The following MOB3B variants were observed in gnomAD, a reference collection of about 807,000 sequenced individuals.
The protein encoded by MOB3B is MOB kinase activator 3B.
A neutral mutation model predicts 18.7 loss-of-function variants in MOB3B; 7 were observed. That is an observed-to-expected ratio of 0.37 (90% CI 0.21 to 0.70). MOB3B has a LOEUF of 0.70. Ranked by LOEUF, MOB3B falls within the 30% of genes least tolerant of loss-of-function variation. The probability of loss-of-function intolerance (pLI) is 0.52; values close to 1 mark genes in which losing one functional copy is unlikely to be tolerated. For synonymous variants in MOB3B, 111 were observed against 99.9 expected, an observed-to-expected ratio of 1.11 and a Z score of -0.66; for missense variants, 253 against 281.3, an observed-to-expected ratio of 0.90 and a Z score of 0.72.
intron 3 of MOB3B, among the ~76,000 whole-genome samples, chr9:27,344,920 C>T (rs544542069): frequency 2.0e-4 from 31 of 152,370 alleles, no homozygotes; most frequent in Admixed American, 9.1e-4. Flanking sequence ...CTTACAGTCT[C>T]GGCCTGGCCG....
intron 1 of MOB3B, among the ~76,000 whole-genome samples, chr9:27,486,915 G>C (rs183571265): frequency 1.3e-5 from 2 of 152,234 alleles, no homozygotes; most frequent in African/African-American, 2.4e-5. Flanking sequence ...TGGATCACTT[G>C]AGGCCAGGGG....
chr9:27,444,794 A>G (rs1822665493), intron 2 of MOB3B, among the ~76,000 whole-genome samples: 1 of 152,222 alleles, frequency 6.6e-6, no homozygotes, highest in African/African-American at 2.4e-5. Context: ...ATGATGGTTA[A>G]CCAGGACTGC....
At chr9:27,346,538 T>C (rs1286563248) in intron 3 of MOB3B, among the ~76,000 whole-genome samples, 6 of 152,252 alleles carry the variant, frequency 3.9e-5, no homozygotes, top group Non-Finnish European at 5.9e-5. Context: ...ACTTGGCTCA[T>C]AGTTTTACTT....
chr9:27,401,877 T>A (rs555725937), intron 2 of MOB3B, among the ~76,000 whole-genome samples: 1 of 152,336 alleles, frequency 6.6e-6, no homozygotes, highest in South Asian at 2.1e-4. Flanking sequence ...CTAAACTTCA[T>A]TTCATCCATT....
At chr9:27,525,176 T>G (rs1820416852) in intron 1 of MOB3B, among the ~76,000 whole-genome samples, 1 of 152,194 alleles carries the variant, frequency 6.6e-6, no homozygotes, top group Non-Finnish European at 1.5e-5. Context: ...CTTTAAGACA[T>G]TTTTAAAGGA....
intron 2 of MOB3B, among the ~76,000 whole-genome samples, chr9:27,395,106 C>A (rs1821780002): frequency 6.6e-6 from 1 of 152,132 alleles, no homozygotes; most frequent in Non-Finnish European, 1.5e-5. Flanking sequence ...GAGAAAAGGT[C>A]ATCTGTGGAG....
At chr9:27,495,364 A>AAATT (rs1295647331) in intron 1 of MOB3B, among the ~76,000 whole-genome samples, 1 of 150,734 alleles carries the variant, frequency 6.6e-6, no homozygotes, top group East Asian at 1.9e-4. Context: ...ATAAATAAAT[A>AAATT]AATTAATTAA....
At chr9:27,377,848 A>G (rs1821513926) in intron 2 of MOB3B, among the ~76,000 whole-genome samples, 1 of 152,236 alleles carries the variant, frequency 6.6e-6, no homozygotes, top group South Asian at 2.1e-4. Context: ...CCAACTTTAC[A>G]GAAGTGTGGA....
intron 1 of MOB3B, among the ~76,000 whole-genome samples, chr9:27,457,185 T>C (rs967642937): frequency 1.4e-4 from 21 of 152,246 alleles, no homozygotes; most frequent in African/African-American, 5.1e-4. Context: ...TTGTCTTTCC[T>C]ACTGGTTTAC....
In MOB3B at chr9:27,489,741, C is replaced by CTTTTTTTTTTTTTTTTTTTTTT. The variant is rs66757462; in HGVS notation, c.-198-33994_-198-33993insAAAAAAAAAAAAAAAAAAAAAA. Among the ~76,000 whole-genome samples, 16 of 73,152 alleles carry CTTTTTTTTTTTTTTTTTTTTTT rather than the reference C, an allele frequency of 2.2e-4. 3 individuals carry two copies. The highest frequency in any genetic ancestry group is 2.8e-4 in the Non-Finnish European group (11 of 38,980). 48.0% of individuals were successfully genotyped at this position (73,152 alleles called of 152,430 possible). A position where few individuals can be genotyped will look rare whatever the true frequency, so the allele number is the denominator to read the frequency against. On this transcript the variant is annotated intron_variant, in intron 1 of 3. Transcript: ENST00000262244. Reference sequence around the variant, plus strand: ...ACATCACACCAGATAAGGAAATAATCTTTTTTTTTTTTTGGTCCAACAGGG... The same window carrying CTTTTTTTTTTTTTTTTTTTTTT: ...ACATCACACCAGATAAGGAAATAATCTTTTTTTTTTTTTTTTTTTTTTTTTTTTTTTTTTTGGTCCAACAGGG...
At chr9:27,523,406 A>G (rs1820370914) in intron 1 of MOB3B, among the ~76,000 whole-genome samples, 1 of 152,118 alleles carries the variant, frequency 6.6e-6, no homozygotes, top group Non-Finnish European at 1.5e-5. Context: ...CCACCAGGCA[A>G]GAAGATATAA....
intron 2 of MOB3B, among the ~76,000 whole-genome samples, chr9:27,453,056 GA>G (rs1822814043): frequency 6.6e-6 from 1 of 152,118 alleles, no homozygotes; most frequent in African/African-American, 2.4e-5. Context: ...GAGGTTCAAG[GA>G]ATTTGCGTTT....
At chr9:27,369,029 A>T (rs1279019691) in intron 2 of MOB3B, among the ~76,000 whole-genome samples, 1 of 152,224 alleles carries the variant, frequency 6.6e-6, no homozygotes, top group Non-Finnish European at 1.5e-5. Flanking sequence ...AATAAAAGCC[A>T]TTAGAAACAA....
At chr9:27,524,561 C>T in intron 1 of MOB3B, 1 of 1,614,074 alleles carries the variant, frequency 6.2e-7, no homozygotes, top group East Asian at 2.2e-5. Context: ...TTCTGCAATA[C>T]ACCCAACCTA....
At chr9:27,443,117 T>C (rs1462095182) in intron 2 of MOB3B, among the ~76,000 whole-genome samples, 2 of 152,196 alleles carry the variant, frequency 1.3e-5, no homozygotes, top group Non-Finnish European at 2.9e-5. Context: ...GTGAAGCCTA[T>C]AACTGCATTT....
rs1014181697 is a variant in MOB3B, at chr9:27,327,231, G to A, written c.*3356C>T. 2.6e-5 allele frequency: 4 copies of A among 152,160 alleles called. No homozygotes were observed. Among genetic ancestry groups the A allele is most frequent in the Middle Eastern group, 3.2e-3 (1 of 316 alleles). 9.4% of individuals were successfully genotyped at this position (152,160 alleles called of 1,614,324 possible). A position where few individuals can be genotyped will look rare whatever the true frequency, so the allele number is the denominator to read the frequency against. On this transcript the variant is annotated 3_prime_UTR_variant, in exon 4 of 4. Transcript: ENST00000262244. ...TGAGAACATTAAGGGATGAATGTAC[G>A]TATGCACAGCCTCACACTCTATAAA...
chr9:27,502,309 T>C (rs186124651), intron 1 of MOB3B, among the ~76,000 whole-genome samples: 75 of 152,330 alleles, frequency 4.9e-4, no homozygotes, highest in African/African-American at 1.5e-3. Flanking sequence ...AAATAATACT[T>C]AATACTAATT....
rs1820770501 is a variant in MOB3B, at chr9:27,330,506, A to G, written c.*81T>C. ...TTCCTGGGAGTAGGTGTGTCATTTC[A>G]GCCAGGGTGGTCCACCTCCTGCCCG... On this transcript the variant is annotated 3_prime_UTR_variant, in exon 4 of 4. Coordinates refer to ENST00000262244, the MANE Select transcript of MOB3B (RefSeq NM_024761.5). 1.3e-6 allele frequency: 2 copies of G among 1,594,666 alleles called. No individual in the cohort carries two copies. The highest frequency in any genetic ancestry group is 1.7e-6 in the Non-Finnish European group (2 of 1,168,574).
chr9:27,392,698 A>G (rs1282588962), intron 2 of MOB3B, among the ~76,000 whole-genome samples: 1 of 152,234 alleles, frequency 6.6e-6, no homozygotes, highest in Non-Finnish European at 1.5e-5. Context: ...GGAAGCTCTC[A>G]GGCAGTGGAG....
Sources: allele counts gnomAD v4.1 joint callset (sites outside exome capture counted in the v4.1 genomes callset), GRCh38; gene constraint gnomAD v4.1.1; transcripts MANE v1.5; gene names NCBI Gene and HGNC (gene_info 2026-07-23, HGNC 2026-07-21).